ZNF862: variants seen among roughly 807,000 people sequenced by gnomAD.
ZNF862 encodes zinc finger protein 862.
A neutral mutation model predicts 91.1 loss-of-function variants in ZNF862; 64 were observed. That is an observed-to-expected ratio of 0.70 (90% confidence interval 0.57 to 0.87). The LOEUF (loss-of-function observed/expected upper bound fraction) is 0.87, where lower values mean the gene tolerates loss of function less well. Ranked by LOEUF, ZNF862 falls within the 40% of genes least tolerant of loss-of-function variation. The pLI is 0.00. For missense variants in ZNF862, 1,459 were observed against 1,528.0 expected, an observed-to-expected ratio of 0.95 and a Z score of 0.75; for synonymous variants, 631 against 618.1, an observed-to-expected ratio of 1.02 and a Z score of -0.31.
intron 1 of ZNF862, chr7:149,841,467 GT>G: frequency 1.0e-6 from 1 of 976,914 alleles, no homozygotes; most frequent in Non-Finnish European, 1.2e-6. Context: ...AAATTCTCAT[GT>G]TCATTTATTT....
intron 5 of ZNF862, chr7:149,851,442 G>A (rs1802065452): frequency 6.6e-6 from 1 of 152,228 alleles, no homozygotes; most frequent in South Asian, 2.1e-4. Context: ...CCCTAGGTTA[G>A]GTGTATCCCC....
chr7:149,862,768 A>G (rs1407144965), intron 7 of ZNF862, among the ~76,000 whole-genome samples: 3 of 152,152 alleles, frequency 2.0e-5, no homozygotes, highest in East Asian at 1.9e-4. Flanking sequence ...TCTGCCCCCA[A>G]CTGGCTGTGT....
At chr7:149,863,699 C>T (rs186854283) in intron 7 of ZNF862, among the ~76,000 whole-genome samples, 1 of 152,220 alleles carries the variant, frequency 6.6e-6, no homozygotes, top group Non-Finnish European at 1.5e-5. Context: ...CGCACCGCTG[C>T]CTCCTTCCAG....
At position 149,859,437 on chromosome 7, in the gene ZNF862, A is replaced by C. The variant is rs1056572121; in HGVS notation, c.1133A>C (p.Lys378Thr). The C allele has an allele frequency of 3.2e-6, 5 of 1,581,462 alleles. No individual in the cohort carries two copies. The African/African-American group carries it at 6.7e-5, about 21-fold the overall frequency. The change falls in exon 6 of 8, where the codon AAG becomes ACG. Residue 378 changes from lysine to threonine, a missense_variant. Physicochemically the swap from Lys to Thr is moderately conservative, Grantham distance 78. Coordinates refer to ENST00000223210, the MANE Select transcript of ZNF862 (RefSeq NM_001099220.3). ...LLASLGPAAAKPDLISKLERR... is the reference protein window; with the variant it reads ...LLASLGPAAATPDLISKLERR... ...CTTACAACAGGACCTGCCGCTGCCA[A>C]GCCAGACTTGATCTCCAAACTGGAG...
chr7:149,850,395 AG>A lies in ZNF862; in HGVS notation c.1117+61del. The stretch of plus-strand genomic sequence containing the variant: ...CCTCCTTTGACTTGGGAAGCCCACA[AG>A]GGGAGCTGTGGCTTGTGGTTATCTT... On this transcript the variant is annotated intron_variant, in intron 5 of 7. Transcript: ENST00000223210. The surrounding 1 kb of genome is among the most constrained non-coding windows in gnomAD (Gnocchi z 4.2). 1 of 1,540,802 alleles carries A rather than the reference AG, an allele frequency of 6.5e-7. No individual in the cohort carries two copies. Among genetic ancestry groups the A allele is most frequent in the Non-Finnish European group, 8.8e-7 (1 of 1,140,320 alleles).
At chr7:149,843,850 A>T (rs1220544802) in intron 1 of ZNF862, among the ~76,000 whole-genome samples, 1 of 152,182 alleles carries the variant, frequency 6.6e-6, no homozygotes, top group Admixed American at 6.5e-5. Flanking sequence ...GCCTTTGAGG[A>T]TGCAGAGTGT....
Position 149,861,497 on chromosome 7 carries a change from C to T in ZNF862, c.2337C>T (p.Ile779=). ...CGGCGCCTCTGGAGCAGGAGATCAT[C>T]CGCCTGAAGGATCTGAATGCGGTCC... is the stretch of plus-strand genomic sequence containing the variant. The part of the protein sequence containing the change: ...EGAAPLEQEI[I]RLKDLNAVRW... Residue 779 remains isoleucine (I), a synonymous_variant, in exon 7 of 8, where the codon ATC becomes ATT. Coordinates refer to ENST00000223210, the MANE Select transcript of ZNF862 (RefSeq NM_001099220.3). This position sits in a 1 kb window ranked among gnomAD's most constrained non-coding sequence, Gnocchi z 6.7. 1 of 1,612,064 alleles carries T rather than the reference C, an allele frequency of 6.2e-7. No individual in the cohort carries two copies. Among genetic ancestry groups the T allele is most frequent in the South Asian group, 1.1e-5 (1 of 90,932 alleles).
chr7:149,859,169 C>T (rs1802365406), intron 5 of ZNF862: 1 of 543,814 alleles, frequency 1.8e-6, no homozygotes. Context: ...TTCCTGTTTC[C>T]ACCCTTCCCC....
chr7:149,838,703 CG>C, intron 1 of ZNF862, 68 bp downstream of exon 1: 1 of 1,041,034 alleles, frequency 9.6e-7, no homozygotes. Flanking sequence ...TCGGGCGAGG[CG>C]GGGCGGCTCG....
chr7:149,860,701 A>G lies in ZNF862; in HGVS notation c.1541A>G (p.Glu514Gly), dbSNP rs888496673. Residue 514 changes from glutamate (E) to glycine (G), a missense_variant, in exon 7 of 8, where the codon GAG (glutamate) becomes GGG (glycine). Transcript: ENST00000223210. ...VRGYTGPFKV[E>G]TLKYHEVSKA... The stretch of plus-strand genomic sequence containing the variant: ...GGTTACACGGGGCCTTTTAAAGTGG[A>G]GACTTTAAAATACCATGAAGTCAGC... 13 of 1,613,782 alleles carry G rather than the reference A, an allele frequency of 8.1e-6. No individual in the cohort carries two copies. The African/African-American group carries it at 1.7e-4, about 22-fold the overall frequency.
In ZNF862 at chr7:149,860,641, C is replaced by T. The variant is rs1289042790; in HGVS notation, c.1481C>T (p.Pro494Leu). 2 of 1,613,984 alleles carry T rather than the reference C, an allele frequency of 1.2e-6. No homozygotes were observed. Among genetic ancestry groups the T allele is most frequent in the Admixed American group, 3.3e-5 (2 of 60,028 alleles). Reference sequence around the variant, plus strand: ...TTCTGCTCAGCCTGCATAGAAAGACCTAATCTCCATGATAAATCATCTCGG... The same window carrying T: ...TTCTGCTCAGCCTGCATAGAAAGACTTAATCTCCATGATAAATCATCTCGG... ...KLFCSACIERPNLHDKSSRLV... is the reference protein window; with the variant it reads ...KLFCSACIERLNLHDKSSRLV... Residue 494 changes from proline (P) to leucine (L), a missense_variant, in exon 7 of 8, where the codon CCT becomes CTT. Transcript: ENST00000223210.
At position 149,848,227 on chromosome 7, in the gene ZNF862, C is replaced by T. The variant is rs775923301; in HGVS notation, c.734C>T (p.Pro245Leu). 3.1e-6 allele frequency: 5 copies of T among 1,613,822 alleles called. No individual in the cohort carries two copies. In the Admixed American group the frequency reaches 8.3e-5, roughly 27 times the overall value. The change falls in exon 4 of 8, where the codon CCA (proline) becomes CTA (leucine). Residue 245 changes from proline (P) to leucine (L), a missense_variant. Pro to Leu is a moderately conservative substitution (Grantham distance 98, BLOSUM62 -3). Transcript: ENST00000223210. The part of the protein sequence containing the change: ...FTADCPIFYP[P>L]GPLGGFDSMA... ...GCAGATTGCCCCATATTCTACCCCC[C>T]AGGGCCTCTGGGAGGATTTGATAGC...
At position 149,848,385 on chromosome 7, in the gene ZNF862, T is replaced by C; in HGVS notation, c.892T>C (p.Ser298Pro). The C allele has an allele frequency of 6.3e-7, 1 of 1,593,786 alleles. No homozygotes were observed. The highest frequency in any genetic ancestry group is 8.5e-7 in the Non-Finnish European group (1 of 1,169,720). The stretch of plus-strand genomic sequence containing the variant: ...AATCACTGATGGCATCCACAGCTCC[T>C]CAGACATTAATATTTTATATAATGA... ...KEITDGIHSS[S>P]DINILYNDAV... Residue 298 changes from serine (S) to proline (P), a missense_variant, in exon 4 of 8, where the codon TCA becomes CCA. By Grantham distance (74) the Ser-to-Pro change is moderately conservative. Transcript: ENST00000223210.
Position 149,838,502 on chromosome 7 carries a change from T to A in ZNF862, c.-110T>A. On this transcript the variant is annotated 5_prime_UTR_variant, in exon 1 of 8. Transcript: ENST00000223210. ...TCTTGGGCCGCGCTCCCTCCCTACC[T>A]GGGTGCCCTCCCCCTCCGGGAGCCT... The A allele has an allele frequency of 1.4e-6, 1 of 718,704 alleles. No individual in the cohort carries two copies. Among genetic ancestry groups the A allele is most frequent in the Non-Finnish European group, 1.9e-6 (1 of 518,954 alleles). The allele number at this position is 718,704 out of a possible 1,614,324, so 44.5% of individuals were successfully genotyped here. A position where few individuals can be genotyped will look rare whatever the true frequency, so the allele number is the denominator to read the frequency against.
chr7:149,848,617 T>C (rs768776000), intron 4 of ZNF862, among the ~76,000 whole-genome samples, 185 bp downstream of exon 4: 1 of 152,226 alleles, frequency 6.6e-6, no homozygotes, highest in Admixed American at 6.5e-5. Context: ...CCATGTATTA[T>C]CTCATTTAAT....
Position 149,848,034 on chromosome 7 carries a change from T to G in ZNF862, c.541T>G (p.Tyr181Asp). 1 of 1,613,950 alleles carries G rather than the reference T, an allele frequency of 6.2e-7. No individual in the cohort carries two copies. ...RDKRSRLIEG[Y>D]TGPFKVETLK... Reference sequence around the variant, plus strand: ...CAAACGGTCAAGACTAATAGAAGGTTATACAGGACCATTCAAGGTGGAGAC... The same window carrying G: ...CAAACGGTCAAGACTAATAGAAGGTGATACAGGACCATTCAAGGTGGAGAC... The change falls in exon 4 of 8, where the codon TAT becomes GAT. Residue 181 changes from tyrosine to aspartate, a missense_variant. Physicochemically the swap from Tyr to Asp is radical, Grantham distance 160 (BLOSUM62 -3). Transcript: ENST00000223210.
chr7:149,858,454 A>G (rs774812947), intron 5 of ZNF862: 10 of 152,194 alleles, frequency 6.6e-5, no homozygotes, highest in Non-Finnish European at 1.3e-4. Context: ...ACACACACAT[A>G]TATGTATCAT....
In ZNF862 at chr7:149,846,321, C is replaced by T. The variant is rs921472599; in HGVS notation, c.241+66C>T. 6.3e-6 allele frequency: 8 copies of T among 1,272,968 alleles called. No homozygotes were observed. The African/African-American group carries it at 1.0e-4, about 16-fold the overall frequency. The allele number at this position is 1,272,968 out of a possible 1,614,324, so 78.9% of individuals were successfully genotyped here. On this transcript the variant is annotated intron_variant, in intron 3 of 7. Coordinates refer to ENST00000223210, the MANE Select transcript of ZNF862 (RefSeq NM_001099220.3). ...AGAGGGAGCATGGGCAGCCCCAGGACTCCAGGCTCATCCTCTGCCCTTCCT... is the reference window on the plus strand; with the variant it reads ...AGAGGGAGCATGGGCAGCCCCAGGATTCCAGGCTCATCCTCTGCCCTTCCT...
chr7:149,860,971 A>G lies in ZNF862; in HGVS notation c.1811A>G (p.Lys604Arg), dbSNP rs747623480. 21 of 1,613,462 alleles carry G rather than the reference A, an allele frequency of 1.3e-5. No homozygotes were observed. The South Asian group carries it at 1.8e-4, about 14-fold the overall frequency. ...RNRTACTQFI[K>R]YISETLKREI... is the part of the protein sequence containing the mutation. ...CGCACGGCGTGCACTCAGTTCATCA[A>G]GTACATCTCAGAGACCCTGAAGAGG... The change falls in exon 7 of 8, where the codon AAG (lysine) becomes AGG (arginine). Residue 604 changes from lysine to arginine, a missense_variant. Transcript: ENST00000223210.
Sources: gnomAD v4.1 joint callset for allele counts (sites outside exome capture counted in the v4.1 genomes callset) on GRCh38, gnomAD v4.1.1 for gene constraint, Gnocchi (gnomAD v3.1) non-coding constraint, MANE v1.5 for transcripts, NCBI Gene and HGNC (gene_info 2026-07-23, HGNC 2026-07-21) for gene names.